Variants in FSTL5 observed in about 807,000 individuals in gnomAD.
FSTL5 encodes the protein follistatin-related protein 5.
A neutral mutation model predicts 89.1 loss-of-function variants in FSTL5; 62 were observed. The observed-to-expected ratio is 0.70, with a 90% CI of 0.57 to 0.86. FSTL5 has a LOEUF of 0.86. Among genes scored for constraint, FSTL5 ranks in the 40% least tolerant of loss-of-function variants. The pLI is 0.00. For missense variants in FSTL5, 1,057 were observed against 1,001.6 expected (o/e 1.06, Z -0.75); for synonymous variants, 383 against 346.2 (o/e 1.11, Z -1.18).
chr4:161,923,606 G>C (rs1734049438), intron 3 of FSTL5, among the ~76,000 whole-genome samples: 1 of 151,754 alleles, frequency 6.6e-6, no homozygotes, highest in East Asian at 1.9e-4. Flanking sequence ...GTTTATTTTA[G>C]TATTGAAGAA....
intron 8 of FSTL5, among the ~76,000 whole-genome samples, chr4:161,544,277 A>T (rs1451271176): frequency 6.6e-6 from 1 of 152,056 alleles, no homozygotes; most frequent in African/African-American, 2.4e-5. Flanking sequence ...GAGAAACTGG[A>T]ACTCTTGCAC....
chr4:161,890,279 T>A (rs1253471152), intron 4 of FSTL5, among the ~76,000 whole-genome samples: 1 of 152,198 alleles, frequency 6.6e-6, no homozygotes, highest in Non-Finnish European at 1.5e-5. Context: ...GAATTTTAGA[T>A]GCAGGATGAT....
intron 4 of FSTL5, among the ~76,000 whole-genome samples, chr4:161,779,789 A>ATATATGTATATATATATG (rs1741573871): frequency 3.9e-5 from 2 of 51,054 alleles, no homozygotes; most frequent in Non-Finnish European, 6.2e-5. Flanking sequence ...ATATATATAT[A>ATATATGTATATATATATG]TATATATATA....
chr4:162,035,816 G>C (rs1051628586), intron 2 of FSTL5, among the ~76,000 whole-genome samples: 1 of 152,100 alleles, frequency 6.6e-6, no homozygotes, highest in Admixed American at 6.6e-5. Flanking sequence ...ATAGAACAAT[G>C]TGGTAGCAGT....
intron 7 of FSTL5, among the ~76,000 whole-genome samples, chr4:161,602,246 GGAGAGAAAGAGAGA>G (rs1307161086): frequency 1.4e-4 from 12 of 87,468 alleles, no homozygotes; most frequent in South Asian, 1.2e-3. Flanking sequence ...TGAGAGAGAG[GGAGAGAAAGAGAGA>G]GAGAGAGAGA....
chr4:161,697,077 A>C (rs1034779947), intron 6 of FSTL5, among the ~76,000 whole-genome samples: 8 of 152,204 alleles, frequency 5.3e-5, no homozygotes, highest in African/African-American at 1.9e-4. Flanking sequence ...AAGAGCAAAC[A>C]AACAGCCCTG....
At chr4:161,437,322 T>A (rs1303853206) in intron 15 of FSTL5, among the ~76,000 whole-genome samples, 1 of 151,830 alleles carries the variant, frequency 6.6e-6, no homozygotes, top group Non-Finnish European at 1.5e-5. Context: ...ATCCCAGCAC[T>A]TTGGGAGGCC....
chr4:161,833,032 C>T (rs1730900327), intron 4 of FSTL5, among the ~76,000 whole-genome samples: 1 of 150,578 alleles, frequency 6.6e-6, no homozygotes, highest in Admixed American at 6.7e-5. Flanking sequence ...CTATAAATTT[C>T]CCTCTACACG....
chr4:162,051,591 T>C (rs1277155433), intron 2 of FSTL5, among the ~76,000 whole-genome samples: 2 of 151,526 alleles, frequency 1.3e-5, no homozygotes, highest in Admixed American at 6.6e-5. Context: ...CATTAGGCCA[T>C]AAAGACAGCT....
chr4:161,841,563 A>G (rs1731212849), intron 4 of FSTL5, among the ~76,000 whole-genome samples: 2 of 152,186 alleles, frequency 1.3e-5, no homozygotes, highest in Admixed American at 1.3e-4. Context: ...TAGGAGATAA[A>G]AATATATTGT....
At chr4:161,968,652 T>C (rs1281539188) in intron 3 of FSTL5, among the ~76,000 whole-genome samples, 1 of 152,060 alleles carries the variant, frequency 6.6e-6, no homozygotes, top group Non-Finnish European at 1.5e-5. Context: ...TCCTTTGATA[T>C]ATTTTAATCT....
At chr4:162,070,035 G>A (rs769031270) in intron 2 of FSTL5, among the ~76,000 whole-genome samples, 20 of 151,644 alleles carry the variant, frequency 1.3e-4, no homozygotes, top group Non-Finnish European at 2.4e-4. Context: ...ATCTTTACCA[G>A]CATTTCTTAT....
chr4:161,472,499 C>T (rs1206645847), intron 13 of FSTL5, among the ~76,000 whole-genome samples: 2 of 151,936 alleles, frequency 1.3e-5, no homozygotes, highest in African/African-American at 2.4e-5. Context: ...AAATTCCACT[C>T]CCCTGGCATC....
intron 6 of FSTL5, among the ~76,000 whole-genome samples, chr4:161,752,966 C>T (rs1740449952): frequency 6.6e-6 from 1 of 152,132 alleles, no homozygotes; most frequent in Admixed American, 6.5e-5. Context: ...TTGGCTGGTA[C>T]CTTGATGCTA....
intron 2 of FSTL5, among the ~76,000 whole-genome samples, chr4:162,047,769 G>A (rs1037835506): frequency 1.3e-5 from 2 of 151,924 alleles, no homozygotes; most frequent in East Asian, 1.9e-4. Context: ...AGGTTGCAGT[G>A]AGCTGAGATC....
intron 13 of FSTL5, among the ~76,000 whole-genome samples, chr4:161,477,695 T>C (rs1022940901): frequency 2.0e-5 from 3 of 151,890 alleles, no homozygotes; most frequent in Admixed American, 6.6e-5. Flanking sequence ...ATTTAACATA[T>C]ACATATCAAT....
chr4:161,476,189 G>GTTTTT lies in FSTL5; in HGVS notation c.1608+4830_1608+4831insAAAAA, dbSNP rs1241724019. ...AGTTTGCTGGTTTTTTTTTTTTTTT[G>GTTTTT]TTTGTTTGTTTTTTTGAGAAAGAGT... On this transcript the variant is annotated intron_variant, in intron 13 of 15. Coordinates refer to ENST00000306100, the MANE Select transcript of FSTL5 (RefSeq NM_020116.5). 2.8e-4 allele frequency among the ~76,000 whole-genome samples: 30 copies of GTTTTT among 106,892 alleles called. 1 individual carries two copies. The highest frequency in any genetic ancestry group is 1.1e-3 in the African/African-American group (30 of 26,590). The allele number at this position is 106,892 out of a possible 152,430, so 70.1% of individuals were successfully genotyped here. A position where few individuals can be genotyped will look rare whatever the true frequency, so the allele number is the denominator to read the frequency against.
At chr4:161,926,099 C>A (rs1734113081) in intron 3 of FSTL5, among the ~76,000 whole-genome samples, 1 of 151,994 alleles carries the variant, frequency 6.6e-6, no homozygotes, top group African/African-American at 2.4e-5. Context: ...ACCTCACAAA[C>A]TTCATGGCAA....
At chr4:162,123,681 T>G (rs781170273) in intron 1 of FSTL5, among the ~76,000 whole-genome samples, 1 of 152,182 alleles carries the variant, frequency 6.6e-6, no homozygotes, top group Non-Finnish European at 1.5e-5. Context: ...CTATTTCATC[T>G]GGTTATGTGG....
Sources: allele counts gnomAD v4.1 joint callset (sites outside exome capture counted in the v4.1 genomes callset), GRCh38; gene constraint gnomAD v4.1.1; transcripts MANE v1.5; gene names NCBI Gene and HGNC (gene_info 2026-07-23, HGNC 2026-07-21).